The following PCDHA2 variants were observed in gnomAD, a reference collection of about 807,000 sequenced individuals.
PCDHA2 encodes protocadherin alpha 2, also known as protocadherin alpha-2.
Under a neutral mutation model 66.0 loss-of-function variants are expected in PCDHA2, and 58 were observed. The ratio of observed to expected loss-of-function variants is 0.88; its 90% CI spans 0.71 to 1.09. The LOEUF is 1.09. PCDHA2 is among the 50% of genes least tolerant of loss of function. The pLI is 0.00. For missense variants in PCDHA2, 1,267 were observed against 1,242.3 expected, an observed-to-expected ratio of 1.02 and a Z score of -0.30; for synonymous variants, 634 against 554.0, an observed-to-expected ratio of 1.14 and a Z score of -2.03.
intron 1 of PCDHA2, among the ~76,000 whole-genome samples, chr5:140,891,255 A>C (rs1313851741): frequency 6.6e-6 from 1 of 151,868 alleles, no homozygotes; most frequent in Non-Finnish European, 1.5e-5. Context: ...GATTTTTTTT[A>C]ATTTTTAATT....
At chr5:140,995,342 A>G (rs2097678065) in intron 3 of PCDHA2, among the ~76,000 whole-genome samples, 1 of 152,122 alleles carries the variant, frequency 6.6e-6, no homozygotes, top group African/African-American at 2.4e-5. Flanking sequence ...TGTAGACGGC[A>G]TGGATAGGTC....
chr5:140,848,732 G>T lies in PCDHA2; in HGVS notation c.2388+51380G>T, dbSNP rs1554142393. 5.7e-6 allele frequency: 9 copies of T among 1,592,756 alleles called. 1 individual carries two copies. The highest frequency in any genetic ancestry group is 7.7e-6 in the Non-Finnish European group (9 of 1,163,596). ...GCGGGGACCTTCTGGAGGTAAATCT[G>T]CAGAATGGCATTTTGTTTGTGAATT... On this transcript the variant is annotated intron_variant, in intron 1 of 3. Transcript: ENST00000526136.
intron 1 of PCDHA2, chr5:140,803,943 G>A (rs539392067): frequency 2.7e-6 from 1 of 377,142 alleles, no homozygotes; most frequent in Non-Finnish European, 4.7e-6. Flanking sequence ...CCTATACAAT[G>A]CTTCTTCAAT....
chr5:140,823,294 G>C lies in PCDHA2; in HGVS notation c.2388+25942G>C. On this transcript the variant is annotated intron_variant, in intron 1 of 3. Transcript: ENST00000526136. ...GGGCGAGCGCCCGCTGTCGAGTTACGTTTCGGTGCACGCGGAGAGCGGCAA... is the reference window on the plus strand; with the variant it reads ...GGGCGAGCGCCCGCTGTCGAGTTACCTTTCGGTGCACGCGGAGAGCGGCAA... 3.7e-6 allele frequency: 6 copies of C among 1,612,492 alleles called. No individual in the cohort carries two copies. In the East Asian group the frequency reaches 1.3e-4, roughly 36 times the overall value.
At position 140,948,398 on chromosome 5, in the gene PCDHA2, T is replaced by G. The variant is rs147325819; in HGVS notation, c.2389-30551T>G. 6.9e-3 allele frequency among the ~76,000 whole-genome samples: 1,051 copies of G among 151,748 alleles called. 6 individuals carry two copies. The highest frequency in any genetic ancestry group is 0.017 in the Middle Eastern group (5 of 294). Reference sequence around the variant, plus strand: ...CCTTCCTCTATTTTCTGAAAGGTTGTGTAATATTGGTGTTATTTCTTCCTT... The same window carrying G: ...CCTTCCTCTATTTTCTGAAAGGTTGGGTAATATTGGTGTTATTTCTTCCTT... On this transcript the variant is annotated intron_variant, in intron 1 of 3. Transcript: ENST00000526136.
rs368758287 is a variant in PCDHA2 at position 140,883,621 on chromosome 5, C to A, written c.2388+86269C>A. On this transcript the variant is annotated intron_variant, in intron 1 of 3. Transcript: ENST00000526136. ...TGGGGGTGGCCGACGTGAACGACAACGCGCCGGCGTTCGCGCAGCCCGAGT... is the reference window on the plus strand; with the variant it reads ...TGGGGGTGGCCGACGTGAACGACAAAGCGCCGGCGTTCGCGCAGCCCGAGT... 5 of 1,613,850 alleles carry A rather than the reference C, an allele frequency of 3.1e-6. No individual in the cohort carries two copies. In the African/African-American group the frequency reaches 4.0e-5, roughly 13 times the overall value.
intron 1 of PCDHA2, among the ~76,000 whole-genome samples, chr5:140,906,752 G>A (rs1328101001): frequency 6.6e-6 from 1 of 152,152 alleles, no homozygotes; most frequent in Non-Finnish European, 1.5e-5. Context: ...ACAGGGCATG[G>A]TAATACTAAG....
intron 3 of PCDHA2, among the ~76,000 whole-genome samples, chr5:140,985,279 A>G (rs1168353248): frequency 1.3e-5 from 2 of 152,150 alleles, no homozygotes; most frequent in Non-Finnish European, 2.9e-5. Context: ...CTTTTCTGCA[A>G]TCTATGATAT....
At chr5:140,887,100 T>TC (rs1231390589) in intron 1 of PCDHA2, among the ~76,000 whole-genome samples, 2 of 151,232 alleles carry the variant, frequency 1.3e-5, no homozygotes, top group Non-Finnish European at 2.9e-5. Flanking sequence ...TATCTTTATC[T>TC]CTTTTTTTTT....
At chr5:140,928,235 C>T (rs1455319165) in intron 1 of PCDHA2, 9 of 1,614,090 alleles carry the variant, frequency 5.6e-6, no homozygotes, top group African/African-American at 1.3e-5. Context: ...TTTCCTCAAC[C>T]CCAGCAGGAA....
chr5:140,795,932 C>A lies in PCDHA2; in HGVS notation c.968C>A (p.Thr323Asn). The A allele has an allele frequency of 6.2e-7, 1 of 1,614,026 alleles. No homozygotes were observed. The highest frequency in any genetic ancestry group is 8.5e-7 in the Non-Finnish European group (1 of 1,179,940). ...AKSYEIQVTA[T>N]DKGTPSMSGH... ...TCCTACGAGATTCAGGTCACTGCAA[C>A]TGACAAAGGAACCCCTTCAATGTCA... Residue 323 changes from threonine (T) to asparagine (N), a missense_variant, in exon 1 of 4, where the codon ACT (threonine) becomes AAT (asparagine). By Grantham distance (65) the Thr-to-Asn change is moderately conservative (BLOSUM62 0). Transcript: ENST00000526136.
intron 1 of PCDHA2, among the ~76,000 whole-genome samples, chr5:140,799,001 G>A (rs1762383728): frequency 6.6e-6 from 1 of 152,142 alleles, no homozygotes; most frequent in South Asian, 2.1e-4. Context: ...AGTAATACTT[G>A]ACCACTATGT....
In PCDHA2 at chr5:141,011,378, C is replaced by T. The variant is rs1419825590; in HGVS notation, c.*1441C>T. 1 of 153,742 alleles carries T rather than the reference C, an allele frequency of 6.5e-6. No individual in the cohort carries two copies. Among genetic ancestry groups the T allele is most frequent in the African/African-American group, 2.4e-5 (1 of 41,460 alleles). The allele number at this position is 153,742 out of a possible 1,614,324, so 9.5% of individuals were successfully genotyped here. Reference sequence around the variant, plus strand: ...ATGTATGCTGTATGCTATGCTAAGACTCCTGAAATATACTTACTCTGTGCT... The same window carrying T: ...ATGTATGCTGTATGCTATGCTAAGATTCCTGAAATATACTTACTCTGTGCT... On this transcript the variant is annotated 3_prime_UTR_variant, in exon 4 of 4. Coordinates refer to ENST00000526136, the MANE Select transcript of PCDHA2 (RefSeq NM_018905.3).
intron 1 of PCDHA2, chr5:140,812,494 G>A (rs557452358): frequency 3.3e-5 from 5 of 151,792 alleles, no homozygotes; most frequent in Admixed American, 2.6e-4. Context: ...CTTTATTATA[G>A]TATTTCCTCC....
intron 1 of PCDHA2, chr5:140,857,704 G>A: frequency 6.3e-7 from 1 of 1,597,424 alleles, no homozygotes; most frequent in Non-Finnish European, 8.6e-7. Flanking sequence ...CGCTGCAGGT[G>A]TTCGTGCTGG....
intron 1 of PCDHA2, chr5:140,862,727 C>G (rs1407282014): frequency 3.5e-6 from 2 of 570,998 alleles, no homozygotes; most frequent in African/African-American, 1.9e-5. Context: ...TGCGCGCTGT[C>G]TAGCTATGTG....
intron 1 of PCDHA2, among the ~76,000 whole-genome samples, chr5:140,940,729 C>G (rs545285188): frequency 8.9e-4 from 136 of 152,326 alleles, no homozygotes; most frequent in African/African-American, 3.2e-3. Context: ...TTCAGCTGGA[C>G]AGCTCCATAT....
intron 1 of PCDHA2, chr5:140,828,012 A>AT (rs1259696471): frequency 2.7e-6 from 4 of 1,508,934 alleles, no homozygotes; most frequent in Non-Finnish European, 3.6e-6. Context: ...GAAGAAATGG[A>AT]TTAATAAATT....
chr5:140,841,805 G>A, intron 1 of PCDHA2: 1 of 1,613,936 alleles, frequency 6.2e-7, no homozygotes, highest in Non-Finnish European at 8.5e-7. Flanking sequence ...CGATGCAGAT[G>A]TTGGAGCTAA....
Sources: gnomAD v4.1 joint callset for allele counts (sites outside exome capture counted in the v4.1 genomes callset) on GRCh38, gnomAD v4.1.1 for gene constraint, MANE v1.5 for transcripts, NCBI Gene and HGNC (gene_info 2026-07-23, HGNC 2026-07-21) for gene names.